DSCAML1: variants seen among roughly 807,000 people sequenced by gnomAD.
DSCAML1 encodes cell adhesion molecule DSCAML1.
A neutral mutation model predicts 200.5 loss-of-function variants in DSCAML1; 38 were observed. The ratio of observed to expected loss-of-function variants is 0.19; its 90% CI spans 0.15 to 0.25. The LOEUF is 0.25. Ranked by LOEUF, DSCAML1 falls within the 10% of genes least tolerant of loss-of-function variation. The pLI, the probability that DSCAML1 is intolerant of heterozygous loss-of-function variation, is 1.00. For synonymous variants in DSCAML1, 1,215 were observed against 1,165.0 expected (o/e 1.04, Z -0.87); for missense variants, 2,223 against 2,858.8 (o/e 0.78, Z 5.07).
chr11:117,588,533 G>A (rs1296981513), intron 3 of DSCAML1, among the ~76,000 whole-genome samples: 1 of 152,190 alleles, frequency 6.6e-6, no homozygotes, highest in East Asian at 1.9e-4. Flanking sequence ...GAAGCGTTTT[G>A]TAGGTTATCA....
upstream of DSCAML1, among the ~76,000 whole-genome samples, chr11:117,797,820 A>G (rs900502593): frequency 1.3e-5 from 2 of 150,876 alleles, no homozygotes; most frequent in African/African-American, 4.9e-5. Flanking sequence ...ACGGTTATTC[A>G]CAATGAGCAG....
At chr11:117,725,548 C>T (rs1304134696) in intron 3 of DSCAML1, among the ~76,000 whole-genome samples, 2 of 152,116 alleles carry the variant, frequency 1.3e-5, no homozygotes, top group South Asian at 2.1e-4. Context: ...TTCCCATTTC[C>T]GCTCCCTGTC....
chr11:117,459,355 G>T (rs141415786), intron 18 of DSCAML1, among the ~76,000 whole-genome samples: 1 of 152,228 alleles, frequency 6.6e-6, no homozygotes, highest in East Asian at 1.9e-4. Context: ...GCCTTGGGCC[G>T]CCAGACCTCC....
At chr11:117,744,950 G>A (rs1032167664) in intron 3 of DSCAML1, among the ~76,000 whole-genome samples, 1 of 152,254 alleles carries the variant, frequency 6.6e-6, no homozygotes, top group Non-Finnish European at 1.5e-5. Flanking sequence ...CCCAGAGGAC[G>A]TGCTGCCCAG....
chr11:117,439,359 G>T lies in DSCAML1; in HGVS notation c.4051C>A (p.Arg1351Ser). The part of the protein sequence containing the change: ...LIHTNGTLLL[R>S]AVKAEDSGYY... ...CCAGAGTCCTCAGCCTTCACTGCAC[G>T]CAGCAGCAGTGTGCCATTGGTGTGG... The change falls in exon 23 of 33, where the codon CGT becomes AGT. Residue 1351 changes from arginine (R) to serine (S), a missense_variant. By Grantham distance (110) the Arg-to-Ser change is moderately radical. Transcript: ENST00000651296. 6.2e-7 allele frequency: 1 copy of T among 1,613,912 alleles called. No homozygotes were observed. Among genetic ancestry groups the T allele is most frequent in the South Asian group, 1.1e-5 (1 of 91,080 alleles).
intron 3 of DSCAML1, among the ~76,000 whole-genome samples, chr11:117,635,545 G>A (rs564117661): frequency 6.6e-6 from 1 of 151,902 alleles, no homozygotes; most frequent in East Asian, 1.9e-4. Flanking sequence ...GTCAGGGGAA[G>A]GAGGGGACGA....
intron 11 of DSCAML1, among the ~76,000 whole-genome samples, chr11:117,496,719 TAAG>T (rs1379660328): frequency 6.6e-6 from 1 of 152,208 alleles, no homozygotes; most frequent in Non-Finnish European, 1.5e-5. Context: ...CTAAGGCCTC[TAAG>T]AAGGAGGTAA....
At chr11:117,584,078 C>T (rs976375896) in intron 3 of DSCAML1, among the ~76,000 whole-genome samples, 2 of 152,070 alleles carry the variant, frequency 1.3e-5, no homozygotes, top group Admixed American at 1.3e-4. Flanking sequence ...CTCCTACCCC[C>T]CTGTGCAATA....
intron 3 of DSCAML1, among the ~76,000 whole-genome samples, chr11:117,595,572 G>T (rs1311764611): frequency 3.3e-5 from 5 of 152,254 alleles, no homozygotes; most frequent in African/African-American, 1.2e-4. Context: ...GATAAAAATG[G>T]CAGGGATAAC....
chr11:117,486,233 GCGGATGGGAAAGT>G (rs1224828146), intron 11 of DSCAML1, among the ~76,000 whole-genome samples: 6 of 145,940 alleles, frequency 4.1e-5, no homozygotes, highest in African/African-American at 1.3e-4. Flanking sequence ...TGGGAAAGTG[GCGGATGGGAAAGT>G]GGCGGATGGG....
chr11:117,705,244 C>T (rs2053739693), intron 3 of DSCAML1, among the ~76,000 whole-genome samples: 2 of 152,142 alleles, frequency 1.3e-5, no homozygotes, highest in South Asian at 2.1e-4. Context: ...TTACAGAGGC[C>T]GGGTAGTGCT....
chr11:117,657,054 G>C (rs2052749626), intron 3 of DSCAML1, among the ~76,000 whole-genome samples: 1 of 152,198 alleles, frequency 6.6e-6, no homozygotes, highest in African/African-American at 2.4e-5. Flanking sequence ...TCGGCTCTAA[G>C]GTGGTCTATG....
Position 117,432,257 on chromosome 11 carries a change from C to G in DSCAML1, c.5179+95G>C. On this transcript the variant is annotated intron_variant, in intron 30 of 32. Coordinates refer to ENST00000651296, the MANE Select transcript of DSCAML1 (RefSeq NM_020693.4). ...TTTGCATTCTATTCCATTAAGCTCCCTCCTCCCTTTAAAAAAAAACACCAC... is the reference window on the plus strand; with the variant it reads ...TTTGCATTCTATTCCATTAAGCTCCGTCCTCCCTTTAAAAAAAAACACCAC... The G allele has an allele frequency of 2.2e-6, 3 of 1,367,122 alleles. No individual in the cohort carries two copies. In the South Asian group the frequency reaches 4.6e-5, roughly 21 times the overall value. The allele number at this position is 1,367,122 out of a possible 1,614,324, so 84.7% of individuals were successfully genotyped here. A position where few individuals can be genotyped will look rare whatever the true frequency, so the allele number is the denominator to read the frequency against.
intron 3 of DSCAML1, among the ~76,000 whole-genome samples, chr11:117,635,703 A>G (rs980097062): frequency 6.6e-6 from 1 of 151,406 alleles, no homozygotes; most frequent in African/African-American, 2.5e-5. Flanking sequence ...TTGAAGAGGG[A>G]GAAGGCAAAA....
At chr11:117,656,130 C>T (rs775690070) in intron 3 of DSCAML1, among the ~76,000 whole-genome samples, 11 of 152,174 alleles carry the variant, frequency 7.2e-5, no homozygotes, top group Admixed American at 2.6e-4. Flanking sequence ...CTCAGCCACT[C>T]GGGAAGCTGA....
intron 3 of DSCAML1, among the ~76,000 whole-genome samples, chr11:117,579,136 C>T (rs1462621285): frequency 6.6e-6 from 1 of 152,196 alleles, no homozygotes; most frequent in African/African-American, 2.4e-5. Context: ...CATCTCCCTC[C>T]TCCCCCACCG....
chr11:117,567,884 T>G (rs1288984430), intron 3 of DSCAML1, among the ~76,000 whole-genome samples: 2 of 152,054 alleles, frequency 1.3e-5, no homozygotes, highest in African/African-American at 4.8e-5. Flanking sequence ...GAGGCCAGCA[T>G]CATCCTGATA....
chr11:117,540,706 G>C (rs568411930), intron 3 of DSCAML1, among the ~76,000 whole-genome samples: 1 of 152,064 alleles, frequency 6.6e-6, no homozygotes, highest in South Asian at 2.1e-4. Flanking sequence ...TGAGGGGCTG[G>C]GGGGAGGGAT....
intron 3 of DSCAML1, among the ~76,000 whole-genome samples, chr11:117,758,194 G>A (rs532466780): frequency 1.4e-3 from 207 of 151,680 alleles, no homozygotes; most frequent in African/African-American, 4.6e-3. Context: ...CCAGCTAGTC[G>A]GGAGGCTGAG....
Sources: gnomAD v4.1 joint callset for allele counts (sites outside exome capture counted in the v4.1 genomes callset) on GRCh38, gnomAD v4.1.1 for gene constraint, MANE v1.5 for transcripts, NCBI Gene and HGNC (gene_info 2026-07-23, HGNC 2026-07-21) for gene names.